NDOR1: variants seen among roughly 807,000 people sequenced by gnomAD.
The protein encoded by NDOR1 is NADPH-dependent diflavin oxidoreductase 1.
A neutral mutation model predicts 67.2 loss-of-function variants in NDOR1; 61 were observed. That is an observed-to-expected ratio of 0.91 (90% CI 0.74 to 1.12). NDOR1 has a LOEUF of 1.12. Among genes scored for constraint, NDOR1 ranks in the 50% most tolerant of loss-of-function variants. The pLI, the probability that NDOR1 is intolerant of heterozygous loss-of-function variation, is 0.00. For missense variants in NDOR1, 878 were observed against 802.8 expected, an observed-to-expected ratio of 1.09 and a Z score of -1.13; for synonymous variants, 378 against 343.7, an observed-to-expected ratio of 1.10 and a Z score of -1.10.
chr9:137,214,285 C>T lies in NDOR1; in HGVS notation c.594C>T (p.Gly198=), dbSNP rs1835413894. 3 of 1,613,784 alleles carry T rather than the reference C, an allele frequency of 1.9e-6. No individual in the cohort carries two copies. Among genetic ancestry groups the T allele is most frequent in the African/African-American group, 2.7e-5 (2 of 74,928 alleles). Residue 198 remains glycine (G), a synonymous_variant, in exon 6 of 14, where the codon GGC becomes GGT. Transcript: ENST00000684003. ...AGGGGCAGCGGGTAGCTCACCCCGGCTCTCAGGAGCCCCCGTCAGAGTCGA... is the reference window on the plus strand; with the variant it reads ...AGGGGCAGCGGGTAGCTCACCCCGGTTCTCAGGAGCCCCCGTCAGAGTCGA... The part of the protein sequence containing the change: ...GSEGQRVAHP[G]SQEPPSESKP...
chr9:137,214,679 C>T lies in NDOR1; in HGVS notation c.832C>T (p.Pro278Ser). 2 of 1,603,862 alleles carry T rather than the reference C, an allele frequency of 1.2e-6. No individual in the cohort carries two copies. The highest frequency in any genetic ancestry group is 1.7e-6 in the Non-Finnish European group (2 of 1,179,832). Residue 278 changes from proline (P) to serine (S), a missense_variant, in exon 7 of 14, where the codon CCG (proline) becomes TCG (serine). Physicochemically the swap from Pro to Ser is moderately conservative, Grantham distance 74. Coordinates refer to ENST00000684003, the MANE Select transcript of NDOR1 (RefSeq NM_014434.4). ...CCCTGACCAGCTCTTCATGCTGCAGCCGCGGGAGCCAGGTGAGCCCAGCCT... is the reference window on the plus strand; with the variant it reads ...CCCTGACCAGCTCTTCATGCTGCAGTCGCGGGAGCCAGGTGAGCCCAGCCT... ...LDPDQLFMLQ[P>S]REPDVSSPTR...
In NDOR1 at chr9:137,215,673, C is replaced by G; in HGVS notation, c.1303C>G (p.Pro435Ala). The G allele has an allele frequency of 6.4e-7, 1 of 1,570,658 alleles. No individual in the cohort carries two copies. Among genetic ancestry groups the G allele is most frequent in the Non-Finnish European group, 8.6e-7 (1 of 1,157,764 alleles). ...LDPGQGPVRV[P>A]LWVRPGSLAF... is the part of the protein sequence containing the mutation. ...TCCTGCAATAGGACCTGTCCGGGTG[C>G]CCCTCTGGGTGCGGCCTGGGAGTCT... Residue 435 changes from proline (P) to alanine (A), a missense_variant, in exon 11 of 14, where the codon CCC (proline) becomes GCC (alanine). Physicochemically the swap from Pro to Ala is conservative, Grantham distance 27 (BLOSUM62 -1). Transcript: ENST00000684003.
intron 2 of NDOR1, among the ~76,000 whole-genome samples, chr9:137,210,089 A>G (rs1370203847): frequency 6.6e-6 from 1 of 152,226 alleles, no homozygotes; most frequent in African/African-American, 2.4e-5. Flanking sequence ...TGCACCAGAA[A>G]GAACCACACC....
At chr9:137,214,457 G>A (rs768704351) in intron 6 of NDOR1, 44 bp downstream of exon 6, 14 of 1,544,974 alleles carry the variant, frequency 9.1e-6, no homozygotes, top group East Asian at 2.4e-5. Flanking sequence ...GAGGTGGGCC[G>A]TGGGTCTGGG....
rs896802568 is a variant in NDOR1 at position 137,216,021 on chromosome 9, T to C, written c.1554+4T>C. 2.5e-6 allele frequency: 4 copies of C among 1,613,396 alleles called. No homozygotes were observed. In the African/African-American group the frequency reaches 5.3e-5, roughly 22 times the overall value. ...CCCTGCCTTCTCCCGGGAACAGGTG[T>C]GTATGCTCAGGGGCTGGGAAAGGAG... On this transcript the variant is annotated splice_donor_region_variant and intron_variant, in intron 12 of 13. Coordinates refer to ENST00000684003, the MANE Select transcript of NDOR1 (RefSeq NM_014434.4).
chr9:137,212,713 C>T lies in NDOR1; in HGVS notation c.311+114C>T. 4 of 932,758 alleles carry T rather than the reference C, an allele frequency of 4.3e-6. No homozygotes were observed. The highest frequency in any genetic ancestry group is 1.4e-5 in the South Asian group (1 of 72,794). 57.8% of individuals were successfully genotyped at this position (932,758 alleles called of 1,614,324 possible). ...GGGTCGGCCCCTGCGCGCCTCAGGG[C>T]CCTCGCAGTGGTACTGGCTTCTCCA... On this transcript the variant is annotated intron_variant, in intron 3 of 13. Coordinates refer to ENST00000684003, the MANE Select transcript of NDOR1 (RefSeq NM_014434.4). This position sits in a 1 kb window ranked among gnomAD's most constrained non-coding sequence, Gnocchi z 4.3.
At chr9:137,206,454 G>A (rs754053267) in intron 2 of NDOR1, 145 bp downstream of exon 2, 6 of 844,134 alleles carry the variant, frequency 7.1e-6, no homozygotes, top group Non-Finnish European at 1.2e-5. Flanking sequence ...CGTGAGTGGG[G>A]CTGGGGGCTC....
rs931957642 is a variant in NDOR1, at chr9:137,212,442, C to A, written c.214-60C>A. The stretch of plus-strand genomic sequence containing the variant: ...TTCCCCTGAGACCCTCCCCTCACCC[C>A]CTGCTGTGGGGCTAGCCTAGAGGTC... On this transcript the variant is annotated intron_variant, in intron 2 of 13. Transcript: ENST00000684003. This position sits in a 1 kb window ranked among gnomAD's most constrained non-coding sequence, Gnocchi z 4.3. 6.8e-7 allele frequency: 1 copy of A among 1,473,566 alleles called. No individual in the cohort carries two copies. The highest frequency in any genetic ancestry group is 9.5e-7 in the Non-Finnish European group (1 of 1,052,858). 91.3% of individuals were successfully genotyped at this position (1,473,566 alleles called of 1,614,324 possible). A position where few individuals can be genotyped will look rare whatever the true frequency, so the allele number is the denominator to read the frequency against.
rs770565072 is a variant in NDOR1 at position 137,214,061 on chromosome 9, G to A, written c.505G>A (p.Gly169Arg). ...TCCGGGCCTCACTGAGATCCCTCCC[G>A]GAGTCCCGTGAGTGTGGGCCCCGGG... The part of the protein sequence containing the change: ...PPPGLTEIPP[G>R]VPLPSKFTLL... The change falls in exon 5 of 14, where the codon GGA becomes AGA. Residue 169 changes from glycine (G) to arginine (R), a missense_variant. Gly to Arg is a moderately radical substitution (Grantham distance 125). Coordinates refer to ENST00000684003, the MANE Select transcript of NDOR1 (RefSeq NM_014434.4). The A allele has an allele frequency of 2.6e-5, 40 of 1,540,166 alleles. No individual in the cohort carries two copies. The highest frequency in any genetic ancestry group is 2.4e-4 in the Admixed American group (12 of 50,916).
chr9:137,211,012 G>A (rs747388907), intron 2 of NDOR1, among the ~76,000 whole-genome samples: 3 of 151,850 alleles, frequency 2.0e-5, no homozygotes, highest in African/African-American at 7.3e-5. Flanking sequence ...ATGGTGGCAC[G>A]CACCTGTAAT....
rs766216552 is a variant in NDOR1, at chr9:137,216,332, G to A, written c.1710G>A (p.Glu570=). The change falls in exon 14 of 14, where the codon GAG becomes GAA. Residue 570 remains glutamate, a synonymous_variant. Coordinates refer to ENST00000684003, the MANE Select transcript of NDOR1 (RefSeq NM_014434.4). ...SEALMSIFQE[E]GGLCSPDAAA... ...CCCTGATGTCCATCTTCCAGGAGGA[G>A]GGTGGACTCTGCAGCCCGGACGCAG... The A allele has an allele frequency of 6.6e-5, 107 of 1,611,288 alleles. 1 individual carries two copies. Among genetic ancestry groups the A allele is most frequent in the Non-Finnish European group, 4.2e-6 (5 of 1,179,998 alleles).
chr9:137,215,045 C>A (rs773193291), intron 8 of NDOR1, 27 bp downstream of exon 8: 26 of 1,612,358 alleles, frequency 1.6e-5, no homozygotes, highest in Admixed American at 3.3e-5. Flanking sequence ...GCAGGCCCAG[C>A]CCCTGAGCTA....
In NDOR1 at chr9:137,212,528, G is replaced by T. The variant is rs1835310387; in HGVS notation, c.240G>T (p.Lys80Asn). ...MKNFWRFIFR[K>N]NLPSTALCQM... The stretch of plus-strand genomic sequence containing the variant: ...ACTTCTGGAGGTTTATATTCCGGAA[G>T]AACCTGCCCTCCACTGCCCTCTGTC... Residue 80 changes from lysine (K) to asparagine (N), a missense_variant, in exon 3 of 14, where the codon AAG becomes AAT. Transcript: ENST00000684003. The surrounding 1 kb of genome is among the most constrained non-coding windows in gnomAD (Gnocchi z 4.3). 6.2e-7 allele frequency: 1 copy of T among 1,614,128 alleles called. No individual in the cohort carries two copies. The highest frequency in any genetic ancestry group is 8.5e-7 in the Non-Finnish European group (1 of 1,179,986).
Position 137,216,489 on chromosome 9 carries a change from C to T in NDOR1, c.*73C>T, listed in dbSNP as rs79126721. ...CCAGGAAGGCATCCACGAGGGAGCT[C>T]CTGGCCAGCAGCCGTCATCCTCTCG... On this transcript the variant is annotated 3_prime_UTR_variant, in exon 14 of 14. Coordinates refer to ENST00000684003, the MANE Select transcript of NDOR1 (RefSeq NM_014434.4). The T allele has an allele frequency of 2.7e-4, 416 of 1,532,350 alleles. 3 individuals are homozygous for T. The East Asian group carries it at 9.5e-3, about 35-fold the overall frequency. 94.9% of individuals were successfully genotyped at this position (1,532,350 alleles called of 1,614,324 possible).
At position 137,218,178 on chromosome 9, in the gene NDOR1, C is replaced by T. The variant is rs1029800268; in HGVS notation, c.*1762C>T. ...GGCTGCCTGCACAGGCTGCTGGGCT[C>T]GGCCTCCAGTGCCGACCTGGGCCGG... On this transcript the variant is annotated 3_prime_UTR_variant, in exon 14 of 14. Transcript: ENST00000684003. 1.3e-5 allele frequency: 5 copies of T among 398,378 alleles called. No homozygotes were observed. Among genetic ancestry groups the T allele is most frequent in the African/African-American group, 2.1e-5 (1 of 48,564 alleles). The allele number at this position is 398,378 out of a possible 1,614,324, so 24.7% of individuals were successfully genotyped here. A position where few individuals can be genotyped will look rare whatever the true frequency, so the allele number is the denominator to read the frequency against.
chr9:137,217,761 C>T lies in NDOR1; in HGVS notation c.*1345C>T. The stretch of plus-strand genomic sequence containing the variant: ...GCCGCCCCTGTCGCCGCCCTGGGGT[C>T]CCTGTCCTCCTATCCTGACTCCTGC... On this transcript the variant is annotated 3_prime_UTR_variant, in exon 14 of 14. Transcript: ENST00000684003. The T allele has an allele frequency of 2.6e-6, 1 of 389,912 alleles. No individual in the cohort carries two copies. Among genetic ancestry groups the T allele is most frequent in the African/African-American group, 2.1e-5 (1 of 47,792 alleles). The allele number at this position is 389,912 out of a possible 1,614,324, so 24.2% of individuals were successfully genotyped here.
In NDOR1 at chr9:137,213,840, C is replaced by T. The variant is rs756939377; in HGVS notation, c.372C>T (p.Leu124=). ...RRLLQLGGSA[L]LPVCLGDDQH... ...TACTGCAGCTTGGGGGCAGCGCCCTCCTGCCCGTGTGCCTGGGCGATGACC... is the reference window on the plus strand; with the variant it reads ...TACTGCAGCTTGGGGGCAGCGCCCTTCTGCCCGTGTGCCTGGGCGATGACC... Residue 124 remains leucine (L), a synonymous_variant, in exon 4 of 14, where the codon CTC becomes CTT. Transcript: ENST00000684003. The T allele has an allele frequency of 5.0e-6, 8 of 1,611,650 alleles. No individual in the cohort carries two copies. The highest frequency in any genetic ancestry group is 6.8e-6 in the Non-Finnish European group (8 of 1,179,344).
chr9:137,213,013 T>A (rs1201710075), intron 3 of NDOR1, among the ~76,000 whole-genome samples: 1 of 152,168 alleles, frequency 6.6e-6, no homozygotes, highest in Non-Finnish European at 1.5e-5. Context: ...AGGAGTGGCA[T>A]GTTCAGTGTG....
intron 1 of NDOR1, 40 bp downstream of exon 1, chr9:137,205,952 G>T: frequency 1.3e-6 from 2 of 1,533,570 alleles, no homozygotes; most frequent in Non-Finnish European, 8.7e-7. Flanking sequence ...GGACGAGCAG[G>T]CCTGGCGTGC....
Sources: allele counts gnomAD v4.1 joint callset (sites outside exome capture counted in the v4.1 genomes callset), GRCh38; gene constraint gnomAD v4.1.1; non-coding constraint Gnocchi (gnomAD v3.1); transcripts MANE v1.5; gene names NCBI Gene and HGNC (gene_info 2026-07-23, HGNC 2026-07-21).